The following GLDC variants were observed in gnomAD, a reference collection of about 807,000 sequenced individuals.
GLDC encodes glycine decarboxylase, also known as glycine dehydrogenase (decarboxylating), mitochondrial.
GLDC carries 104 observed loss-of-function variants against 121.3 expected under a neutral mutation model. The ratio of observed to expected loss-of-function variants is 0.86; its 90% confidence interval spans 0.73 to 1.01. GLDC has a LOEUF of 1.01. GLDC is among the 50% of genes least tolerant of loss of function. The pLI, the probability that GLDC is intolerant of heterozygous loss-of-function variation, is 0.00. For synonymous variants in GLDC, 546 were observed against 480.6 expected, an observed-to-expected ratio of 1.14 and a Z score of -1.78; for missense variants, 1,429 against 1,306.6, an observed-to-expected ratio of 1.09 and a Z score of -1.44.
At chr9:6,570,622 G>C (rs1425181399) in intron 15 of GLDC, among the ~76,000 whole-genome samples, 3 of 152,176 alleles carry the variant, frequency 2.0e-5, no homozygotes, top group Non-Finnish European at 4.4e-5. Flanking sequence ...GGGAGGCTGA[G>C]ACGGGCAGAT....
chr9:6,610,900 C>G (rs1587965536), intron 3 of GLDC, among the ~76,000 whole-genome samples: 1 of 152,214 alleles, frequency 6.6e-6, no homozygotes, highest in African/African-American at 2.4e-5. Flanking sequence ...GCACTTGAGG[C>G]TACCTATAAT....
chr9:6,587,308 C>G, intron 14 of GLDC, 25 bp from the exon 15 acceptor site: 18 of 1,532,624 alleles, frequency 1.2e-5, no homozygotes, highest in Non-Finnish European at 1.5e-5. Context: ...AACAAAAATG[C>G]ATATATACAT....
Position 6,589,232 on chromosome 9 carries a change from T to A in GLDC, c.1543A>T (p.Arg515Trp). The part of the protein sequence containing the change: ...CRGIPGSVFK[R>W]TSPFLTHQVF... ...TGATGGGTGAGGAACGGGCTGGTCC[T>A]CTTGAACACAGACCCTGGAATACCT... is the stretch of plus-strand genomic sequence containing the variant. The change falls in exon 12 of 25, where the codon AGG (arginine) becomes TGG (tryptophan). Residue 515 changes from arginine to tryptophan, a missense_variant. Arg to Trp is a moderately radical substitution (Grantham distance 101). Transcript: ENST00000321612. 1 of 1,610,724 alleles carries A rather than the reference T, an allele frequency of 6.2e-7. No individual in the cohort carries two copies. The highest frequency in any genetic ancestry group is 8.5e-7 in the Non-Finnish European group (1 of 1,176,990).
In GLDC at chr9:6,559,859, C is replaced by T. The variant is rs147518905; in HGVS notation, c.1927-1175G>A. ...AAATAAAAATGACCAACCCCTACCC[C>T]GGGTTCACACAACTCACTCACTAAC... On this transcript the variant is annotated intron_variant, in intron 16 of 24. Transcript: ENST00000321612. 1.4e-3 allele frequency among the ~76,000 whole-genome samples: 212 copies of T among 152,190 alleles called. 1 individual carries two copies. The highest frequency in any genetic ancestry group is 4.6e-3 in the African/African-American group (190 of 41,526).
chr9:6,539,977 C>T, intron 22 of GLDC, 74 bp downstream of exon 22: 1 of 941,884 alleles, frequency 1.1e-6, no homozygotes, highest in Non-Finnish European at 1.8e-6. Flanking sequence ...GTGGTGCCTG[C>T]ATTTTCCATT....
intron 3 of GLDC, among the ~76,000 whole-genome samples, chr9:6,610,642 C>T (rs902884010): frequency 6.6e-6 from 1 of 151,926 alleles, no homozygotes; most frequent in Non-Finnish European, 1.5e-5. Flanking sequence ...GCTCTGTCAC[C>T]CAGGCTGGAG....
chr9:6,534,448 A>G (rs576089107), intron 24 of GLDC, among the ~76,000 whole-genome samples: 1 of 150,890 alleles, frequency 6.6e-6, no homozygotes, highest in Non-Finnish European at 1.5e-5. Flanking sequence ...AGTGGAGGGA[A>G]ACACATTGGT....
rs182970702 is a variant in GLDC, at chr9:6,571,773, G to C, written c.1851-6344C>G. 1.1e-3 allele frequency among the ~76,000 whole-genome samples: 166 copies of C among 152,250 alleles called. 3 individuals carry two copies. Among genetic ancestry groups the C allele is most frequent in the Admixed American group, 7.5e-3 (114 of 15,292 alleles). On this transcript the variant is annotated intron_variant, in intron 15 of 24. Coordinates refer to ENST00000321612, the MANE Select transcript of GLDC (RefSeq NM_000170.3). ...TCCATTTAATATTTTTGAGCCAGTT[G>C]ACCATGGGTAACTGAAACTGCAAAT...
chr9:6,600,445 G>A (rs1818582288), intron 8 of GLDC, among the ~76,000 whole-genome samples: 1 of 151,836 alleles, frequency 6.6e-6, no homozygotes, highest in African/African-American at 2.4e-5. Flanking sequence ...GGGAGGCCCA[G>A]GCAGGACCAT....
chr9:6,567,171 G>C (rs1391966744), intron 15 of GLDC: 1 of 152,046 alleles, frequency 6.6e-6, no homozygotes, highest in Non-Finnish European at 1.5e-5. Flanking sequence ...AAGAAAGCCT[G>C]TCTTACAAGA....
At chr9:6,600,948 G>A (rs1006051087) in intron 8 of GLDC, among the ~76,000 whole-genome samples, 2 of 152,156 alleles carry the variant, frequency 1.3e-5, no homozygotes, top group South Asian at 2.1e-4. Flanking sequence ...GCCGAGGTGG[G>A]TGGATCATGA....
intron 15 of GLDC, among the ~76,000 whole-genome samples, chr9:6,582,762 A>G (rs12004647): frequency 0.54 from 81,504 of 150,218 alleles, 22,552 homozygotes; most frequent in African/African-American, 0.6. Flanking sequence ...CCGGGAGGCG[A>G]TCGTTGCAGT....
chr9:6,556,679 G>T (rs1039226344), intron 17 of GLDC, among the ~76,000 whole-genome samples: 2 of 151,962 alleles, frequency 1.3e-5, no homozygotes, highest in African/African-American at 4.8e-5. Context: ...TGTAATCCCA[G>T]CTACTTAGGA....
At chr9:6,604,811 C>A in intron 6 of GLDC, 27 bp from the exon 7 acceptor site, 1 of 1,583,880 alleles carries the variant, frequency 6.3e-7, no homozygotes. Flanking sequence ...AGAAAAGGAA[C>A]AAGGTTGCTA....
At chr9:6,607,099 A>T (rs1364774280) in intron 4 of GLDC, among the ~76,000 whole-genome samples, 1 of 152,170 alleles carries the variant, frequency 6.6e-6, no homozygotes. Context: ...TTGAGTCATC[A>T]GTAACTAATG....
intron 10 of GLDC, 131 bp downstream of exon 10, chr9:6,592,720 C>T (rs1442944348): frequency 3.7e-6 from 3 of 807,866 alleles, no homozygotes; most frequent in Non-Finnish European, 6.1e-6. Context: ...GTAAATAACA[C>T]TTGTTTATGA....
intron 9 of GLDC, among the ~76,000 whole-genome samples, chr9:6,593,251 G>A (rs1206222377): frequency 2.7e-5 from 4 of 148,658 alleles, no homozygotes; most frequent in African/African-American, 1.0e-4. Flanking sequence ...CAAGAAATGG[G>A]GGAGCAGGTA....
At chr9:6,551,051 T>C in intron 20 of GLDC, 137 bp from the exon 21 acceptor site, 1 of 744,452 alleles carries the variant, frequency 1.3e-6, no homozygotes, top group Non-Finnish European at 2.5e-6. Flanking sequence ...TAAAGATGAG[T>C]GGAAAATTCC....
intron 19 of GLDC, among the ~76,000 whole-genome samples, chr9:6,554,405 A>T (rs1587923015): frequency 1.3e-5 from 2 of 152,322 alleles, no homozygotes. Context: ...CCTATTCATT[A>T]TTCTGTTAAT....
Sources: gnomAD v4.1 joint callset for allele counts (sites outside exome capture counted in the v4.1 genomes callset) on GRCh38, gnomAD v4.1.1 for gene constraint, MANE v1.5 for transcripts, NCBI Gene and HGNC (gene_info 2026-07-23, HGNC 2026-07-21) for gene names.